The following KCNH7 variants were observed in gnomAD, a reference collection of about 807,000 sequenced individuals.
The protein encoded by KCNH7 is voltage-gated inwardly rectifying potassium channel KCNH7.
Under a neutral mutation model 120.8 loss-of-function variants are expected in KCNH7, and 49 were observed. The ratio of observed to expected loss-of-function variants is 0.41; its 90% CI spans 0.32 to 0.51. The LOEUF (loss-of-function observed/expected upper bound fraction) is 0.51, where lower values mean the gene tolerates loss of function less well. Among genes scored for constraint, KCNH7 ranks in the 20% least tolerant of loss-of-function variants. The pLI, the probability that KCNH7 is intolerant of heterozygous loss-of-function variation, is 0.38. For missense variants in KCNH7, 1,097 were observed against 1,446.6 expected (o/e 0.76, Z 3.92); for synonymous variants, 547 against 516.1 (o/e 1.06, Z -0.81).
intron 2 of KCNH7, among the ~76,000 whole-genome samples, chr2:162,559,411 G>T (rs1470930004): frequency 6.6e-6 from 1 of 152,156 alleles, no homozygotes; most frequent in Non-Finnish European, 1.5e-5. Context: ...TGATAAAGGT[G>T]TTAAATTATG....
intron 2 of KCNH7, among the ~76,000 whole-genome samples, chr2:162,628,137 A>C (rs76595999): frequency 0.023 from 3,440 of 152,280 alleles, 61 homozygotes; most frequent in Non-Finnish European, 0.035. Flanking sequence ...AACTGGCATA[A>C]ATTGCATTGT....
At chr2:162,682,879 A>T (rs535831500) in intron 2 of KCNH7, among the ~76,000 whole-genome samples, 1 of 151,796 alleles carries the variant, frequency 6.6e-6, no homozygotes, top group Non-Finnish European at 1.5e-5. Flanking sequence ...TCCAGAAAAA[A>T]CCCAGACAAT....
intron 2 of KCNH7, among the ~76,000 whole-genome samples, chr2:162,594,662 T>C (rs1292157128): frequency 6.6e-6 from 1 of 152,090 alleles, no homozygotes; most frequent in Non-Finnish European, 1.5e-5. Flanking sequence ...GTGCTGTGTC[T>C]ATATTGAACA....
chr2:162,818,825 C>T (rs1421218483), intron 2 of KCNH7, among the ~76,000 whole-genome samples: 1 of 152,042 alleles, frequency 6.6e-6, no homozygotes, highest in Admixed American at 6.6e-5. Flanking sequence ...GTTTTTTTCA[C>T]AACATGTAAA....
At chr2:162,766,158 T>C (rs1426835794) in intron 2 of KCNH7, among the ~76,000 whole-genome samples, 1 of 152,204 alleles carries the variant, frequency 6.6e-6, no homozygotes, top group African/African-American at 2.4e-5. Context: ...TATACTTCAT[T>C]TTCTTTTTAA....
intron 6 of KCNH7, among the ~76,000 whole-genome samples, chr2:162,449,742 C>A (rs1213812560): frequency 6.6e-6 from 1 of 152,036 alleles, no homozygotes; most frequent in Non-Finnish European, 1.5e-5. Flanking sequence ...AGGAAACAAC[C>A]TTGCCCACAT....
intron 2 of KCNH7, among the ~76,000 whole-genome samples, chr2:162,695,551 G>C (rs2105334905): frequency 6.6e-6 from 1 of 152,274 alleles, no homozygotes; most frequent in South Asian, 2.1e-4. Context: ...GAAAGTCACT[G>C]GGCATCTGAT....
intron 6 of KCNH7, among the ~76,000 whole-genome samples, chr2:162,476,458 C>A (rs1393935109): frequency 6.6e-6 from 1 of 152,078 alleles, no homozygotes; most frequent in African/African-American, 2.4e-5. Flanking sequence ...GATGCTGAAA[C>A]TAGATAATTT....
intron 2 of KCNH7, among the ~76,000 whole-genome samples, chr2:162,752,983 GA>G (rs1485951482): frequency 4.2e-4 from 51 of 121,296 alleles, no homozygotes; most frequent in African/African-American, 2.1e-3. Context: ...GAAAAGAAAA[GA>G]AAAGAAAAGA....
chr2:162,411,685 T>G (rs1687395528), intron 9 of KCNH7, among the ~76,000 whole-genome samples: 1 of 151,946 alleles, frequency 6.6e-6, no homozygotes, highest in Non-Finnish European at 1.5e-5. Flanking sequence ...TGCAAGGATA[T>G]TATAGTAGTA....
chr2:162,653,622 C>T (rs1462984579), intron 2 of KCNH7, among the ~76,000 whole-genome samples: 1 of 152,100 alleles, frequency 6.6e-6, no homozygotes, highest in African/African-American at 2.4e-5. Flanking sequence ...ATTCTAATGA[C>T]ATTTTTCACA....
At chr2:162,627,245 A>C (rs906090413) in intron 2 of KCNH7, among the ~76,000 whole-genome samples, 9 of 152,148 alleles carry the variant, frequency 5.9e-5, no homozygotes, top group African/African-American at 1.7e-4. Context: ...GCTATTGGAG[A>C]AGTCTGTGAT....
chr2:162,768,745 A>C (rs999352092), intron 2 of KCNH7, among the ~76,000 whole-genome samples: 4 of 152,100 alleles, frequency 2.6e-5, no homozygotes, highest in Admixed American at 2.6e-4. Context: ...GAAAGTGTGA[A>C]TGCAGGCTGT....
intron 2 of KCNH7, among the ~76,000 whole-genome samples, chr2:162,774,334 G>C (rs547869200): frequency 6.6e-6 from 1 of 152,074 alleles, no homozygotes; most frequent in East Asian, 1.9e-4. Context: ...GCAAAACATG[G>C]GTCAGAAGTG....
In KCNH7 at chr2:162,434,705, G is replaced by GTATA. The variant is rs35935156; in HGVS notation, c.1954+489_1954+492dup. On this transcript the variant is annotated intron_variant, in intron 8 of 15. Coordinates refer to ENST00000332142, the MANE Select transcript of KCNH7 (RefSeq NM_033272.4). ...ATAAATTGGTATGTGTATGTTGCAT[G>GTATA]TATATATATATATATATACACATAC... Among the ~76,000 whole-genome samples the GTATA allele has an allele frequency of 2.4e-3, 346 of 147,006 alleles. 4 individuals carry two copies. The highest frequency in any genetic ancestry group is 8.3e-3 in the African/African-American group (336 of 40,594).
chr2:162,513,065 C>T (rs1203068916), intron 4 of KCNH7, among the ~76,000 whole-genome samples: 3 of 151,840 alleles, frequency 2.0e-5, no homozygotes, highest in Non-Finnish European at 2.9e-5. Context: ...GAAGACTCCA[C>T]ATTTTGCATG....
At chr2:162,610,167 T>G (rs1424180461) in intron 2 of KCNH7, among the ~76,000 whole-genome samples, 1 of 152,218 alleles carries the variant, frequency 6.6e-6, no homozygotes, top group Admixed American at 6.5e-5. Flanking sequence ...TTCAACATCA[T>G]ATTGGGGCAT....
At chr2:162,683,018 A>C (rs1685767221) in intron 2 of KCNH7, among the ~76,000 whole-genome samples, 1 of 151,876 alleles carries the variant, frequency 6.6e-6, no homozygotes, top group Non-Finnish European at 1.5e-5. Flanking sequence ...TATGGATCAA[A>C]AATAGGTAGA....
chr2:162,686,734 T>A (rs1358159245), intron 2 of KCNH7, among the ~76,000 whole-genome samples: 1 of 152,134 alleles, frequency 6.6e-6, no homozygotes, highest in African/African-American at 2.4e-5. Flanking sequence ...TTTCCTTTTA[T>A]AAATGTGCCT....
Sources: gnomAD v4.1 joint callset for allele counts (sites outside exome capture counted in the v4.1 genomes callset) on GRCh38, gnomAD v4.1.1 for gene constraint, MANE v1.5 for transcripts, NCBI Gene and HGNC (gene_info 2026-07-23, HGNC 2026-07-21) for gene names.